Variants in GABRB2 observed in about 807,000 individuals in gnomAD.
The protein encoded by GABRB2 is gamma-aminobutyric acid type A receptor subunit beta2.
In GABRB2, 16 loss-of-function variants were observed where a neutral mutation model predicts 54.7. The ratio of observed to expected loss-of-function variants is 0.29; its 90% CI spans 0.20 to 0.44. GABRB2 has a LOEUF of 0.44. Ranked by LOEUF, GABRB2 falls within the 20% of genes least tolerant of loss-of-function variation. GABRB2 has a pLI of 1.00. For synonymous variants in GABRB2, 244 were observed against 233.8 expected (o/e 1.04, Z -0.40); for missense variants, 355 against 644.0 (o/e 0.55, Z 4.86).
intron 9 of GABRB2, among the ~76,000 whole-genome samples, chr5:161,315,038 A>AAG (rs1757982046): frequency 1.3e-5 from 2 of 152,168 alleles, no homozygotes; most frequent in African/African-American, 4.8e-5. Flanking sequence ...ATCTAGTAAT[A>AAG]TGGTAGAAGT....
intron 5 of GABRB2, among the ~76,000 whole-genome samples, chr5:161,377,333 AATCATC>A (rs2113477466): frequency 6.6e-6 from 1 of 152,236 alleles, no homozygotes; most frequent in South Asian, 2.1e-4. Context: ...CCCTAAAGGT[AATCATC>A]ATCCCTTATC....
intron 9 of GABRB2, among the ~76,000 whole-genome samples, chr5:161,310,862 A>AC (rs1464608395): frequency 6.6e-6 from 1 of 150,418 alleles, no homozygotes; most frequent in African/African-American, 2.5e-5. Context: ...TCCCAAGTTC[A>AC]CGCCGTTCTC....
At chr5:161,533,867 C>A (rs1760543402) in intron 3 of GABRB2, among the ~76,000 whole-genome samples, 1 of 151,908 alleles carries the variant, frequency 6.6e-6, no homozygotes, top group South Asian at 2.1e-4. Context: ...GACTATAATA[C>A]TCTATAAAAT....
chr5:161,314,336 G>A (rs1484998221), intron 9 of GABRB2, among the ~76,000 whole-genome samples: 1 of 152,204 alleles, frequency 6.6e-6, no homozygotes, highest in Non-Finnish European at 1.5e-5. Flanking sequence ...CCAACTTCCA[G>A]AAATTTTCTG....
At position 161,326,466 on chromosome 5, in the gene GABRB2, T is replaced by C. The variant is rs776347142; in HGVS notation, c.1093A>G (p.Ile365Val). Residue 365 changes from isoleucine to valine, a missense_variant, in exon 9 of 10, where the codon ATT (isoleucine) becomes GTT (valine). By Grantham distance (29) the Ile-to-Val change is conservative. Coordinates refer to ENST00000393959, the MANE Select transcript of GABRB2 (RefSeq NM_001371727.1). ...CGATATTGGGTCCCATTTTGTTTAA[T>C]ATCTTTATAAAAAATCTGGAAGACA... ...LDVNKIFYKD[I>V]KQNGTQYRSL... 8 of 1,613,242 alleles carry C rather than the reference T, an allele frequency of 5.0e-6. No homozygotes were observed. Among genetic ancestry groups the C allele is most frequent in the Non-Finnish European group, 6.8e-6 (8 of 1,179,534 alleles).
intron 3 of GABRB2, among the ~76,000 whole-genome samples, chr5:161,513,888 A>C (rs986947091): frequency 3.4e-4 from 52 of 152,264 alleles, no homozygotes; most frequent in African/African-American, 1.3e-3. Flanking sequence ...AAAATCACAC[A>C]CACTGGAAAT....
intron 9 of GABRB2, among the ~76,000 whole-genome samples, chr5:161,300,760 T>G (rs933997769): frequency 6.6e-6 from 1 of 152,202 alleles, no homozygotes; most frequent in Non-Finnish European, 1.5e-5. Context: ...TCCCAGGTGA[T>G]GCTGGGATGC....
chr5:161,305,830 G>A (rs59327149), intron 9 of GABRB2, among the ~76,000 whole-genome samples: 4,200 of 152,290 alleles, frequency 0.028, 224 homozygotes, highest in African/African-American at 0.095. Context: ...GCAGTGGGGA[G>A]AAGAGCCAAA....
chr5:161,440,273 C>T (rs1348005386), intron 4 of GABRB2, among the ~76,000 whole-genome samples: 1 of 151,984 alleles, frequency 6.6e-6, no homozygotes, highest in Non-Finnish European at 1.5e-5. Flanking sequence ...ATGGATTAAA[C>T]TCTCCAATCA....
intron 5 of GABRB2, among the ~76,000 whole-genome samples, chr5:161,380,697 T>A (rs1387301961): frequency 1.3e-5 from 2 of 152,096 alleles, no homozygotes; most frequent in African/African-American, 4.8e-5. Context: ...TTCAATCAAG[T>A]CTTAAGTAAT....
chr5:161,462,474 T>C (rs1758141829), intron 3 of GABRB2, among the ~76,000 whole-genome samples: 1 of 152,182 alleles, frequency 6.6e-6, no homozygotes. Context: ...ATTCTTGAAA[T>C]GGAAAATTTG....
chr5:161,375,857 T>G (rs1182655458), intron 5 of GABRB2, among the ~76,000 whole-genome samples: 2 of 152,146 alleles, frequency 1.3e-5, no homozygotes, highest in African/African-American at 4.8e-5. Context: ...ATGACTAGGA[T>G]GATGATTCTT....
At chr5:161,498,984 G>A (rs779635217) in intron 3 of GABRB2, among the ~76,000 whole-genome samples, 2 of 151,998 alleles carry the variant, frequency 1.3e-5, no homozygotes, top group African/African-American at 2.4e-5. Flanking sequence ...ACGTCCTCAC[G>A]TCCTCACATC....
intron 5 of GABRB2, among the ~76,000 whole-genome samples, chr5:161,389,542 G>C (rs1235289334): frequency 2.0e-5 from 3 of 151,046 alleles, no homozygotes; most frequent in Admixed American, 2.0e-4. Context: ...ATGTGTATGT[G>C]GCCTGTGGGC....
chr5:161,313,361 G>T (rs543096815), intron 9 of GABRB2, among the ~76,000 whole-genome samples: 1 of 151,446 alleles, frequency 6.6e-6, no homozygotes, highest in East Asian at 1.9e-4. Context: ...AGCTCTTTGC[G>T]CCCCTCCCCA....
intron 8 of GABRB2, among the ~76,000 whole-genome samples, chr5:161,329,150 G>C (rs2113394480): frequency 6.6e-6 from 1 of 152,274 alleles, no homozygotes; most frequent in Non-Finnish European, 1.5e-5. Context: ...GTAGATGAAA[G>C]TGAAGAGATC....
intron 3 of GABRB2, among the ~76,000 whole-genome samples, chr5:161,498,308 C>T (rs193001554): frequency 1.2e-4 from 18 of 151,564 alleles, no homozygotes; most frequent in African/African-American, 1.9e-4. Context: ...TGAACCACCA[C>T]TCTTTCGTTA....
intron 5 of GABRB2, among the ~76,000 whole-genome samples, chr5:161,359,693 T>G (rs6899229): frequency 0.094 from 14,238 of 152,262 alleles, 773 homozygotes; most frequent in East Asian, 0.17. Context: ...CTCTCTGATT[T>G]ATAAACTGTT....
chr5:161,478,059 T>C (rs1758649624), intron 3 of GABRB2, among the ~76,000 whole-genome samples: 1 of 152,016 alleles, frequency 6.6e-6, no homozygotes, highest in Non-Finnish European at 1.5e-5. Context: ...CAAACTTTTC[T>C]ATGTTTTTAA....
Sources: gnomAD v4.1 joint callset for allele counts (sites outside exome capture counted in the v4.1 genomes callset) on GRCh38, gnomAD v4.1.1 for gene constraint, MANE v1.5 for transcripts, NCBI Gene and HGNC (gene_info 2026-07-23, HGNC 2026-07-21) for gene names.